DIP2C: variants seen among roughly 807,000 people sequenced by gnomAD.
The protein encoded by DIP2C is disco-interacting protein 2 homolog C.
Under a neutral mutation model 192.4 loss-of-function variants are expected in DIP2C, and 33 were observed. That is an observed-to-expected ratio of 0.17 (90% CI 0.13 to 0.23). DIP2C has a LOEUF of 0.23. DIP2C is among the 10% of genes least tolerant of loss of function. DIP2C has a pLI of 1.00. For synonymous variants in DIP2C, 979 were observed against 864.1 expected, an observed-to-expected ratio of 1.13 and a Z score of -2.33; for missense variants, 1,537 against 2,110.1, an observed-to-expected ratio of 0.73 and a Z score of 5.32.
At chr10:514,784 C>A (rs1250089289) in intron 1 of DIP2C, among the ~76,000 whole-genome samples, 1 of 152,196 alleles carries the variant, frequency 6.6e-6, no homozygotes, top group Non-Finnish European at 1.5e-5. Flanking sequence ...TCACCACCCC[C>A]CTTCCATGGG....
intron 1 of DIP2C, among the ~76,000 whole-genome samples, chr10:622,877 G>A (rs1853959097): frequency 6.6e-6 from 1 of 152,182 alleles, no homozygotes; most frequent in African/African-American, 2.4e-5. Flanking sequence ...ATGGGGTGAT[G>A]GGGATACAAA....
intron 3 of DIP2C, among the ~76,000 whole-genome samples, chr10:456,167 T>C (rs1434569620): frequency 4.1e-4 from 53 of 130,238 alleles, no homozygotes; most frequent in Non-Finnish European, 7.2e-4. Flanking sequence ...AGTGAGTCCC[T>C]GCCTGAGGGG....
Position 415,791 on chromosome 10 carries a change from A to G in DIP2C, c.837T>C (p.Asp279=), listed in dbSNP as rs1965590797. 6.2e-7 allele frequency: 1 copy of G among 1,614,126 alleles called. No individual in the cohort carries two copies. The highest frequency in any genetic ancestry group is 8.5e-7 in the Non-Finnish European group (1 of 1,180,018). The change falls in exon 7 of 37, where the codon GAT becomes GAC. Residue 279 remains aspartate (D), a synonymous_variant. Transcript: ENST00000280886. ...CACCTTCTAATAATTCTTCAAAGTC[A>G]TCGACAAAGAATTCTCGTAAAGGTG... ...KRPPLREFFV[D]DFEELLEVQQ... is the part of the protein sequence containing the mutation.
intron 13 of DIP2C, among the ~76,000 whole-genome samples, chr10:388,539 A>T (rs1963172036): frequency 6.6e-6 from 1 of 152,180 alleles, no homozygotes; most frequent in African/African-American, 2.4e-5. Flanking sequence ...AAACAACCTA[A>T]GTTCCTTTTG....
intron 32 of DIP2C, among the ~76,000 whole-genome samples, chr10:297,483 A>G (rs765381649): frequency 1.3e-5 from 2 of 152,188 alleles, no homozygotes; most frequent in African/African-American, 2.4e-5. Flanking sequence ...ATTGAATAGG[A>G]TTCAGCCATA....
intron 17 of DIP2C, among the ~76,000 whole-genome samples, chr10:370,775 C>G (rs1336334037): frequency 6.6e-6 from 1 of 152,128 alleles, no homozygotes; most frequent in East Asian, 1.9e-4. Context: ...GACCTAAAAG[C>G]TGGACTATAA....
chr10:340,890 C>T (rs1338119785), intron 29 of DIP2C: 1 of 484,052 alleles, frequency 2.1e-6, no homozygotes, highest in Non-Finnish European at 4.1e-6. Context: ...AGCACCATCG[C>T]CAGGTTTTAC....
intron 1 of DIP2C, among the ~76,000 whole-genome samples, chr10:619,284 C>T (rs1853680687): frequency 6.6e-6 from 1 of 152,212 alleles, no homozygotes; most frequent in Admixed American, 6.5e-5. Flanking sequence ...ACAACACGAA[C>T]TTATTTTCTC....
At chr10:627,266 A>T (rs1288049709) in intron 1 of DIP2C, among the ~76,000 whole-genome samples, 1 of 152,196 alleles carries the variant, frequency 6.6e-6, no homozygotes, top group African/African-American at 2.4e-5. Context: ...AGGCCGGACA[A>T]GGGCCCAGGG....
chr10:512,079 G>A (rs899717211), intron 1 of DIP2C, among the ~76,000 whole-genome samples: 1 of 152,214 alleles, frequency 6.6e-6, no homozygotes, highest in African/African-American at 2.4e-5. Context: ...TCTTACAAAG[G>A]CATGAACGGG....
intron 31 of DIP2C, among the ~76,000 whole-genome samples, chr10:321,042 G>C (rs1439438078): frequency 1.3e-5 from 2 of 152,144 alleles, no homozygotes; most frequent in Non-Finnish European, 2.9e-5. Flanking sequence ...TGAGAAAGTG[G>C]CTTAGGAACA....
At chr10:496,359 C>T (rs778044810) in intron 1 of DIP2C, among the ~76,000 whole-genome samples, 4 of 135,462 alleles carry the variant, frequency 3.0e-5, no homozygotes, top group Non-Finnish European at 6.0e-5. Flanking sequence ...TACTTAAAAT[C>T]CCTACATTAC....
At chr10:579,596 ACATC>A (rs967845345) in intron 1 of DIP2C, among the ~76,000 whole-genome samples, 1 of 152,150 alleles carries the variant, frequency 6.6e-6, no homozygotes, top group Non-Finnish European at 1.5e-5. Context: ...TAGAGCATAC[ACATC>A]CAAATAGTGT....
chr10:391,601 G>A (rs1053429266), intron 10 of DIP2C, among the ~76,000 whole-genome samples: 1 of 152,202 alleles, frequency 6.6e-6, no homozygotes, highest in African/African-American at 2.4e-5. Context: ...CTCTCTCTAC[G>A]CCCACCAGCT....
At chr10:611,368 G>A (rs1315670289) in intron 1 of DIP2C, among the ~76,000 whole-genome samples, 1 of 152,276 alleles carries the variant, frequency 6.6e-6, no homozygotes, top group African/African-American at 2.4e-5. Flanking sequence ...TATAGCAGTG[G>A]AAGAATAGCG....
intron 3 of DIP2C, among the ~76,000 whole-genome samples, chr10:462,545 C>T (rs925784564): frequency 6.6e-6 from 1 of 151,978 alleles, no homozygotes; most frequent in African/African-American, 2.4e-5. Flanking sequence ...GCCTACCAAC[C>T]AAAAAAAGTC....
intron 9 of DIP2C, among the ~76,000 whole-genome samples, chr10:405,686 A>C (rs1162715167): frequency 6.6e-6 from 1 of 152,222 alleles, no homozygotes; most frequent in Admixed American, 6.5e-5. Context: ...CCCTCCGTTC[A>C]ATCCTCTGTG....
intron 1 of DIP2C, among the ~76,000 whole-genome samples, chr10:674,783 T>TAGAGAGAG (rs1389637055): frequency 1.3e-4 from 13 of 96,606 alleles, no homozygotes; most frequent in African/African-American, 6.9e-4. Flanking sequence ...TATATATATA[T>TAGAGAGAG]ATATATAGAG....
intron 1 of DIP2C, chr10:649,928 C>T (rs1216870275): frequency 2.0e-5 from 12 of 588,300 alleles, no homozygotes; most frequent in African/African-American, 9.4e-5. Context: ...CCGTGCGTCA[C>T]GGCGTTGCCG....
Sources: allele counts gnomAD v4.1 joint callset (sites outside exome capture counted in the v4.1 genomes callset), GRCh38; gene constraint gnomAD v4.1.1; transcripts MANE v1.5; gene names NCBI Gene and HGNC (gene_info 2026-07-23, HGNC 2026-07-21).